The following TMEM232 variants were observed in gnomAD, a reference collection of about 807,000 sequenced individuals.
TMEM232 encodes transmembrane protein 232.
A neutral mutation model predicts 78.8 loss-of-function variants in TMEM232; 80 were observed. The observed-to-expected ratio is 1.01, with a 90% CI of 0.85 to 1.22. TMEM232 has a LOEUF of 1.22. TMEM232 is among the 50% of genes most tolerant of loss of function. TMEM232 has a pLI of 0.00. For missense variants in TMEM232, 881 were observed against 742.2 expected (o/e 1.19, Z -2.17); for synonymous variants, 297 against 254.3 (o/e 1.17, Z -1.60).
chr5:110,522,821 A>G (rs2149505723), intron 12 of TMEM232, among the ~76,000 whole-genome samples: 1 of 151,982 alleles, frequency 6.6e-6, no homozygotes, highest in East Asian at 1.9e-4. Context: ...GTTTGTTACT[A>G]TTTTGTTGAG....
At chr5:110,660,959 C>T (rs1283990215) in intron 2 of TMEM232, among the ~76,000 whole-genome samples, 1 of 152,094 alleles carries the variant, frequency 6.6e-6, no homozygotes, top group Non-Finnish European at 1.5e-5. Context: ...TGTATGTTGT[C>T]CCCATTAACC....
chr5:110,536,391 T>A (rs1012866743), intron 11 of TMEM232, among the ~76,000 whole-genome samples: 2 of 152,040 alleles, frequency 1.3e-5, no homozygotes, highest in African/African-American at 4.8e-5. Flanking sequence ...GGCCAAGGAG[T>A]GAATGAGGAT....
At chr5:110,437,574 G>T (rs1161926799) in intron 12 of TMEM232, among the ~76,000 whole-genome samples, 1 of 151,846 alleles carries the variant, frequency 6.6e-6, no homozygotes, top group East Asian at 1.9e-4. Flanking sequence ...TTTGGTGCTA[G>T]TTTTATTATA....
Position 110,528,738 on chromosome 5 carries a change from C to A in TMEM232, c.1553G>T (p.Arg518Ile). 1 of 1,534,118 alleles carries A rather than the reference C, an allele frequency of 6.5e-7. No homozygotes were observed. Among genetic ancestry groups the A allele is most frequent in the Non-Finnish European group, 8.7e-7 (1 of 1,145,952 alleles). Residue 518 changes from arginine to isoleucine, a missense_variant, in exon 12 of 14, where the codon AGA becomes ATA. Physicochemically the swap from Arg to Ile is moderately conservative, Grantham distance 97 (BLOSUM62 -3). Transcript: ENST00000455884. The part of the protein sequence containing the change: ...EEVFSKYIGW[R>I]IANTLSKLFF... ...TAGTTTGGAAAGAGTGTTGGCAATT[C>A]TCCACCCAATATATTTGGAGAAAAC...
intron 1 of TMEM232, among the ~76,000 whole-genome samples, chr5:110,715,061 T>C (rs543433045): frequency 4.6e-4 from 70 of 152,266 alleles, no homozygotes; most frequent in Non-Finnish European, 8.5e-4. Context: ...TCCTTGTCTA[T>C]TTTTGCCCCT....
rs370292214 is a variant in TMEM232 at position 110,665,088 on chromosome 5, A to G, written c.125+2140T>C. Among the ~76,000 whole-genome samples, 14 of 152,280 alleles carry G rather than the reference A, an allele frequency of 9.2e-5. 2 individuals carry two copies. Among genetic ancestry groups the G allele is most frequent in the East Asian group, 5.8e-4 (3 of 5,174 alleles). ...CAGGGACACTCACATTCAGCCCATA[A>G]CAATAAGCCAACATCTTAAATTCTA... On this transcript the variant is annotated intron_variant, in intron 2 of 13. Coordinates refer to ENST00000455884, the MANE Select transcript of TMEM232 (RefSeq NM_001039763.4).
chr5:110,676,186 T>A (rs1021488510), intron 1 of TMEM232, among the ~76,000 whole-genome samples: 4 of 152,334 alleles, frequency 2.6e-5, no homozygotes, highest in African/African-American at 7.2e-5. Context: ...GACACTTAGA[T>A]TAATTTTATA....
At chr5:110,653,314 C>T (rs956289923) in intron 2 of TMEM232, among the ~76,000 whole-genome samples, 1 of 152,212 alleles carries the variant, frequency 6.6e-6, no homozygotes, top group African/African-American at 2.4e-5. Context: ...AATTTTCCAT[C>T]TGTAGAAACA....
upstream of TMEM232, among the ~76,000 whole-genome samples, chr5:110,728,345 T>G (rs1458693552): frequency 6.6e-6 from 1 of 151,848 alleles, no homozygotes; most frequent in African/African-American, 2.4e-5. Context: ...ATAAAATTTA[T>G]ATATGATAAA....
chr5:110,533,536 C>G (rs1007083469), intron 11 of TMEM232, among the ~76,000 whole-genome samples: 1 of 152,210 alleles, frequency 6.6e-6, no homozygotes, highest in Admixed American at 6.5e-5. Flanking sequence ...ACAAACTATG[C>G]TCAACTCACT....
intron 2 of TMEM232, among the ~76,000 whole-genome samples, chr5:110,400,335 T>C (rs1358056572): frequency 6.6e-6 from 1 of 152,146 alleles, no homozygotes; most frequent in Admixed American, 6.6e-5. Context: ...ATTTCACTGA[T>C]ATTTTGATGT....
At chr5:110,691,541 G>A (rs1344189378) in intron 1 of TMEM232, among the ~76,000 whole-genome samples, 1 of 152,154 alleles carries the variant, frequency 6.6e-6, no homozygotes, top group Non-Finnish European at 1.5e-5. Context: ...GGCCAAGATG[G>A]CTTCAGGTTA....
chr5:110,408,223 A>G (rs1755865166), intron 2 of TMEM232, among the ~76,000 whole-genome samples: 1 of 152,158 alleles, frequency 6.6e-6, no homozygotes, highest in Admixed American at 6.6e-5. Flanking sequence ...GAATTAGAGA[A>G]GCAAGAACAA....
rs997462854 is a variant in TMEM232, at chr5:110,605,289, C to G, written c.1096G>C (p.Ala366Pro). ...NVVYIYTVIL[A>P]EICLYAATSD... ...GTGGCTGCATACAAGCAGATTTCTG[C>G]AAGAATTACTGTATATATGTAGACT... is the stretch of plus-strand genomic sequence containing the variant. Residue 366 changes from alanine (A) to proline (P), a missense_variant, in exon 10 of 14, where the codon GCA (alanine) becomes CCA (proline). By Grantham distance (27) the Ala-to-Pro change is conservative. Transcript: ENST00000455884. The G allele has an allele frequency of 1.2e-5, 19 of 1,551,210 alleles. No individual in the cohort carries two copies. The African/African-American group carries it at 2.5e-4, about 20-fold the overall frequency.
intron 2 of TMEM232, among the ~76,000 whole-genome samples, chr5:110,410,836 A>AAGAC (rs1323589903): frequency 6.6e-6 from 1 of 152,100 alleles, no homozygotes; most frequent in Non-Finnish European, 1.5e-5. Flanking sequence ...GAATGTGGAG[A>AAGAC]AGACAGAAAT....
chr5:110,642,782 T>C (rs779343088), intron 2 of TMEM232, among the ~76,000 whole-genome samples: 4 of 152,006 alleles, frequency 2.6e-5, no homozygotes, highest in Non-Finnish European at 5.9e-5. Flanking sequence ...AGCCCAAACA[T>C]GGTTGGATTT....
At chr5:110,705,744 GTGTGTGTGTA>G (rs1203597207) in intron 1 of TMEM232, among the ~76,000 whole-genome samples, 1 of 146,492 alleles carries the variant, frequency 6.8e-6, no homozygotes, top group East Asian at 2.0e-4. Flanking sequence ...ACATATGTGT[GTGTGTGTGTA>G]TGTGTGTGCG....
chr5:110,469,975 G>GC (rs933762480), intron 12 of TMEM232, among the ~76,000 whole-genome samples: 69 of 151,938 alleles, frequency 4.5e-4, no homozygotes, highest in African/African-American at 1.2e-3. Flanking sequence ...GATGCTCCCT[G>GC]CCCCCCCGGA....
At chr5:110,685,936 C>G (rs1265475871) in intron 1 of TMEM232, among the ~76,000 whole-genome samples, 1 of 151,978 alleles carries the variant, frequency 6.6e-6, no homozygotes, top group African/African-American at 2.4e-5. Flanking sequence ...GAAATTCAAG[C>G]ACAGACAAAA....
Sources: gnomAD v4.1 joint callset for allele counts (sites outside exome capture counted in the v4.1 genomes callset) on GRCh38, gnomAD v4.1.1 for gene constraint, MANE v1.5 for transcripts, NCBI Gene and HGNC (gene_info 2026-07-23, HGNC 2026-07-21) for gene names.